The following ZNF578 variants were observed in gnomAD, a reference collection of about 807,000 sequenced individuals.
The protein encoded by ZNF578 is zinc finger protein 578.
In ZNF578, 8 loss-of-function variants were observed where a neutral mutation model predicts 8.3. That is an observed-to-expected ratio of 0.96 (90% confidence interval 0.56 to 1.74). The LOEUF (loss-of-function observed/expected upper bound fraction) is 1.74. Among genes scored for constraint, ZNF578 ranks in the 40% most tolerant of loss-of-function variants. The pLI is 0.00. For missense variants in ZNF578, 726 were observed against 707.5 expected, an observed-to-expected ratio of 1.03 and a Z score of -0.30; for synonymous variants, 206 against 232.2, an observed-to-expected ratio of 0.89 and a Z score of 1.03.
In ZNF578 at chr19:52,512,431, T is replaced by A. The variant is rs61739360; in HGVS notation, c.*277T>A. 3.0e-3 allele frequency: 4,350 copies of A among 1,435,780 alleles called. 107 individuals carry two copies. In the African/African-American group the frequency reaches 0.053, roughly 17 times the overall value. 88.9% of individuals were successfully genotyped at this position (1,435,780 alleles called of 1,614,324 possible). On this transcript the variant is annotated 3_prime_UTR_variant, in exon 6 of 6. Transcript: ENST00000421239. ...CCATAATGAAGAGAGATCTTCCGAG[T>A]GTAATAAATGTGGCAAATTTTTCAG...
chr19:52,497,193 A>G (rs1673891), intron 3 of ZNF578, among the ~76,000 whole-genome samples: 30,476 of 151,596 alleles, frequency 0.2, 3,222 homozygotes, highest in Non-Finnish European at 0.23. Flanking sequence ...TCCGCCTCCC[A>G]GGGTCAAGCG....
rs2059476079 is a variant in ZNF578, at chr19:52,516,404, CAG to C, written c.*4253_*4254del. On this transcript the variant is annotated 3_prime_UTR_variant, in exon 6 of 6. Transcript: ENST00000421239. Reference sequence around the variant, plus strand: ...GTGTGGGCTTCTCCAGAAGGGGAGCCAGAGTTTCCCTGTAGGAGTTTATCCTC... The same window carrying C: ...GTGTGGGCTTCTCCAGAAGGGGAGCCAGTTTCCCTGTAGGAGTTTATCCTC... Among the ~76,000 whole-genome samples the C allele has an allele frequency of 6.6e-6, 1 of 152,150 alleles. No individual in the cohort carries two copies. The highest frequency in any genetic ancestry group is 1.5e-5 in the Non-Finnish European group (1 of 68,034).
At chr19:52,489,482 G>A (rs1033732316) in intron 2 of ZNF578, among the ~76,000 whole-genome samples, 4 of 151,560 alleles carry the variant, frequency 2.6e-5, no homozygotes, top group African/African-American at 9.7e-5. Flanking sequence ...CAGCTACTCT[G>A]GAGGCTGAGG....
intron 2 of ZNF578, among the ~76,000 whole-genome samples, chr19:52,482,888 C>T (rs2059331724): frequency 6.7e-6 from 1 of 149,870 alleles, no homozygotes; most frequent in South Asian, 2.1e-4. Context: ...TTGCAGTGAG[C>T]CATGATGGCA....
At chr19:52,488,717 G>A (rs1428083551) in intron 2 of ZNF578, among the ~76,000 whole-genome samples, 2 of 151,754 alleles carry the variant, frequency 1.3e-5, no homozygotes, top group Non-Finnish European at 2.9e-5. Context: ...CCAGGAGGCA[G>A]AGGTTGCAGT....
At chr19:52,510,528 C>T in intron 5 of ZNF578, 44 bp from the exon 6 acceptor site, 6 of 1,481,612 alleles carry the variant, frequency 4.0e-6, no homozygotes, top group South Asian at 1.6e-5. Context: ...TATGATTTAC[C>T]ATCTGCACTT....
intron 2 of ZNF578, chr19:52,473,967 C>T (rs1295593812): frequency 5.4e-6 from 2 of 368,684 alleles, no homozygotes; most frequent in African/African-American, 2.1e-5. Context: ...AAGATCTTAC[C>T]ACATTCATTA....
rs2059400372 is a variant in ZNF578, at chr19:52,499,854, G to T, written c.-19-1973G>T. Among the ~76,000 whole-genome samples the T allele has an allele frequency of 2.6e-5, 4 of 152,172 alleles. No homozygotes were observed. The South Asian group carries it at 8.3e-4, about 32-fold the overall frequency. On this transcript the variant is annotated intron_variant, in intron 3 of 5. Coordinates refer to ENST00000421239, the MANE Select transcript of ZNF578 (RefSeq NM_001099694.2). ...TCGACTTTCAAAATGCTTTTGGGTT[G>T]TGGGAGAAAAATGTTTGAAGACCAT...
At chr19:52,481,821 G>A (rs896802933) in intron 2 of ZNF578, among the ~76,000 whole-genome samples, 1 of 151,666 alleles carries the variant, frequency 6.6e-6, no homozygotes. Flanking sequence ...GCCTTGACCT[G>A]CTAGGCTCAA....
intron 1 of ZNF578, chr19:52,456,363 A>G (rs1211407667): frequency 6.6e-6 from 1 of 152,198 alleles, no homozygotes; most frequent in Non-Finnish European, 1.5e-5. Context: ...CATTTTGCAA[A>G]TATATCTCTT....
Position 52,513,678 on chromosome 19 carries a change from C to T in ZNF578, c.*1524C>T, listed in dbSNP as rs1164839143. Among the ~76,000 whole-genome samples, 13 of 145,996 alleles carry T rather than the reference C, an allele frequency of 8.9e-5. No homozygotes were observed. The highest frequency in any genetic ancestry group is 4.2e-4 in the Admixed American group (6 of 14,174). ...CCAGGAGGCGGTGCTTGCAGGGAGC[C>T]GAGATCGTGCCACTGCACTCCAGGC... On this transcript the variant is annotated 3_prime_UTR_variant, in exon 6 of 6. Transcript: ENST00000421239.
At chr19:52,498,733 T>G (rs2059396363) in intron 3 of ZNF578, among the ~76,000 whole-genome samples, 2 of 139,368 alleles carry the variant, frequency 1.4e-5, no homozygotes, top group African/African-American at 5.5e-5. Flanking sequence ...TCACCCAGGC[T>G]GGAATGCAGT....
At chr19:52,489,523 G>C (rs567443782) in intron 2 of ZNF578, among the ~76,000 whole-genome samples, 1 of 152,048 alleles carries the variant, frequency 6.6e-6, no homozygotes, top group East Asian at 2.0e-4. Flanking sequence ...GGGAGGCAAA[G>C]GTTGCGGTGA....
At chr19:52,455,384 A>C (rs747542813) in intron 1 of ZNF578, 12 of 152,056 alleles carry the variant, frequency 7.9e-5, no homozygotes, top group Non-Finnish European at 1.6e-4. Context: ...TTTTTAGTAG[A>C]GATGGATTCT....
rs1325665298 is a variant in ZNF578, at chr19:52,511,937, C to A, written c.1556C>A (p.Thr519Asn). ...TACAAGTGTAATGAATGTGGGAAGA[C>A]TTTTAATGTACAGTCACACCTTTCA... ...KPYKCNECGK[T>N]FNVQSHLSRH... is the part of the protein sequence containing the mutation. Residue 519 changes from threonine (T) to asparagine (N), a missense_variant, in exon 6 of 6, where the codon ACT (threonine) becomes AAT (asparagine). By Grantham distance (65) the Thr-to-Asn change is moderately conservative. Transcript: ENST00000421239. 1.7e-5 allele frequency: 27 copies of A among 1,613,904 alleles called. No homozygotes were observed. Among genetic ancestry groups the A allele is most frequent in the Non-Finnish European group, 2.1e-5 (25 of 1,179,946 alleles).
intron 1 of ZNF578, chr19:52,454,419 G>GTTGT: frequency 6.6e-6 from 1 of 152,188 alleles, no homozygotes; most frequent in South Asian, 2.1e-4. Flanking sequence ...CAGTCCACAA[G>GTTGT]ACTTCTCCAC....
intron 2 of ZNF578, chr19:52,457,986 G>T: frequency 6.5e-6 from 1 of 154,676 alleles, no homozygotes; most frequent in South Asian, 1.8e-4. Flanking sequence ...CATGGATGGA[G>T]ACGGGGTGTG....
chr19:52,499,689 G>GTTTTTTTTTTTT lies in ZNF578; in HGVS notation c.-19-2136_-19-2125dup, dbSNP rs66824085. On this transcript the variant is annotated intron_variant, in intron 3 of 5. Coordinates refer to ENST00000421239, the MANE Select transcript of ZNF578 (RefSeq NM_001099694.2). ...TGAGAAGATACATCACTTCCAAATC[G>GTTTTTTTTTTTT]TTTTTTTTTTTTTGAGATGAATTTT... is the stretch of plus-strand genomic sequence containing the variant. 3.5e-5 allele frequency among the ~76,000 whole-genome samples: 5 copies of GTTTTTTTTTTTT among 141,528 alleles called. 1 individual carries two copies. Among genetic ancestry groups the GTTTTTTTTTTTT allele is most frequent in the Non-Finnish European group, 6.1e-5 (4 of 65,510 alleles). 92.8% of individuals were successfully genotyped at this position (141,528 alleles called of 152,430 possible).
At chr19:52,506,726 G>A (rs963378816) in intron 5 of ZNF578, among the ~76,000 whole-genome samples, 3 of 152,108 alleles carry the variant, frequency 2.0e-5, no homozygotes, top group African/African-American at 7.2e-5. Flanking sequence ...TGCCCATTAT[G>A]CCTGGCGCAA....
Sources: allele counts gnomAD v4.1 joint callset (sites outside exome capture counted in the v4.1 genomes callset), GRCh38; gene constraint gnomAD v4.1.1; transcripts MANE v1.5; gene names NCBI Gene and HGNC (gene_info 2026-07-23, HGNC 2026-07-21).